Variants in ERV3-1 observed in about 807,000 individuals in gnomAD.
ERV3-1 encodes the protein endogenous retrovirus group 3 member 1 Env polyprotein.
A neutral mutation model predicts 24.6 loss-of-function variants in ERV3-1; 36 were observed. The observed-to-expected ratio is 1.47, with a 90% CI of 1.12 to 1.94. ERV3-1 has a LOEUF of 1.94. Among genes scored for constraint, ERV3-1 ranks in the 30% most tolerant of loss-of-function variants. The pLI is 0.00. For missense variants in ERV3-1, 578 were observed against 330.9 expected (o/e 1.75, Z -5.79); for synonymous variants, 211 against 122.6 (o/e 1.72, Z -4.76).
chr7:64,995,365 TA>T (rs1277156469), intron 1 of ERV3-1, among the ~76,000 whole-genome samples: 6 of 152,216 alleles, frequency 3.9e-5, no homozygotes, highest in African/African-American at 1.4e-4. Flanking sequence ...AGGACCCCTA[TA>T]GCCATTCCCT....
In ERV3-1 at chr7:64,992,876, A is replaced by AAT. The variant is rs1786311288; in HGVS notation, c.149_150dup (p.Tyr51IlefsTer9). ...CCTAGGCAGGTCCCAGCACACTCAT[A>AAT]ATAAGTGTGATACAACAGGGTTTTA... On this transcript the variant is annotated frameshift_variant, in exon 2 of 2. Coordinates refer to ENST00000394323, the MANE Select transcript of ERV3-1 (RefSeq NM_001007253.4). LOFTEE classifies it high-confidence loss of function. 1.3e-6 allele frequency: 1 copy of AAT among 766,058 alleles called. No individual in the cohort carries two copies. The highest frequency in any genetic ancestry group is 1.7e-5 in the Admixed American group (1 of 58,982). The allele number at this position is 766,058 out of a possible 1,614,324, so 47.5% of individuals were successfully genotyped here.
At position 64,991,167 on chromosome 7, in the gene ERV3-1, T is replaced by C. The variant is rs777824933; in HGVS notation, c.*45A>G. On this transcript the variant is annotated 3_prime_UTR_variant, in exon 2 of 2. Transcript: ENST00000394323. Reference sequence around the variant, plus strand: ...GGACTATTTGTACTAAGGTTTTAAATCCTCCAAGGGATGAGAACCAACCTC... The same window carrying C: ...GGACTATTTGTACTAAGGTTTTAAACCCTCCAAGGGATGAGAACCAACCTC... 1.4e-5 allele frequency: 9 copies of C among 665,094 alleles called. No homozygotes were observed. Among genetic ancestry groups the C allele is most frequent in the Non-Finnish European group, 2.2e-5 (8 of 368,966 alleles). 41.2% of individuals were successfully genotyped at this position (665,094 alleles called of 1,614,324 possible).
intron 1 of ERV3-1, among the ~76,000 whole-genome samples, chr7:65,005,538 C>A (rs889446640): frequency 7.9e-5 from 12 of 151,972 alleles, no homozygotes; most frequent in African/African-American, 2.7e-4. Context: ...AATATGGTAC[C>A]TAAAATGTAC....
chr7:65,000,912 C>CATT (rs1786506577), intron 1 of ERV3-1, among the ~76,000 whole-genome samples: 1 of 152,102 alleles, frequency 6.6e-6, no homozygotes, highest in Non-Finnish European at 1.5e-5. Flanking sequence ...AGTTGGAGAC[C>CATT]ATTATCCTTA....
rs1356542926 is a variant in ERV3-1, at chr7:64,992,696, G to A, written c.331C>T (p.Pro111Ser). ...GDLLNQTKVFPSGKDVVSLYF... is the reference protein window; with the variant it reads ...GDLLNQTKVFSSGKDVVSLYF... ...AAGGATACGACATCCTTGCCAGAGG[G>A]AAATACCTTGGTTTGGTTTAGAAGA... The change falls in exon 2 of 2, where the codon CCC (proline) becomes TCC (serine). Residue 111 changes from proline (P) to serine (S), a missense_variant. Pro to Ser is a moderately conservative substitution (Grantham distance 74, BLOSUM62 -1). Coordinates refer to ENST00000394323, the MANE Select transcript of ERV3-1 (RefSeq NM_001007253.4). 10 of 766,282 alleles carry A rather than the reference G, an allele frequency of 1.3e-5. No homozygotes were observed. Among genetic ancestry groups the A allele is most frequent in the Admixed American group, 1.2e-4 (7 of 59,006 alleles). The allele number at this position is 766,282 out of a possible 1,614,324, so 47.5% of individuals were successfully genotyped here. A position where few individuals can be genotyped will look rare whatever the true frequency, so the allele number is the denominator to read the frequency against.
chr7:64,995,939 G>GAGACT (rs1554300388), intron 1 of ERV3-1, among the ~76,000 whole-genome samples: 1 of 152,186 alleles, frequency 6.6e-6, no homozygotes, highest in Non-Finnish European at 1.5e-5. Flanking sequence ...ACCCTTGTGG[G>GAGACT]AGACTAGTCC....
Position 64,992,789 on chromosome 7 carries a change from CAT to C in ERV3-1, c.236_237del (p.Tyr79CysfsTer4). ...GGTGAAGACTTAGGGTCATAACACA[CAT>C]AAGGCTGGCCCCTTCCTGGGTCACA... ...SVCDPGRGQPYVCYDPKSSPG... is the reference protein window; with the variant it reads ...SVCDPGRGQPXVCYDPKSSPG... On this transcript the variant is annotated frameshift_variant, in exon 2 of 2. Transcript: ENST00000394323. LOFTEE classifies it high-confidence loss of function. 1.3e-6 allele frequency: 1 copy of C among 766,452 alleles called. No individual in the cohort carries two copies. Among genetic ancestry groups the C allele is most frequent in the South Asian group, 1.3e-5 (1 of 74,626 alleles). The allele number at this position is 766,452 out of a possible 1,614,324, so 47.5% of individuals were successfully genotyped here.
At chr7:65,005,529 A>T (rs1246401658) in intron 1 of ERV3-1, among the ~76,000 whole-genome samples, 1 of 152,232 alleles carries the variant, frequency 6.6e-6, no homozygotes, top group Non-Finnish European at 1.5e-5. Context: ...ATTAATTAAA[A>T]TATGGTACCT....
chr7:64,995,026 G>A (rs1425178057), intron 1 of ERV3-1, among the ~76,000 whole-genome samples: 1 of 152,262 alleles, frequency 6.6e-6, no homozygotes, highest in African/African-American at 2.4e-5. Context: ...GTCACGGAAG[G>A]TGATTCCCGG....
intron 1 of ERV3-1, among the ~76,000 whole-genome samples, chr7:64,998,114 G>A (rs946859488): frequency 1.3e-5 from 2 of 152,122 alleles, no homozygotes; most frequent in African/African-American, 2.4e-5. Context: ...CTCAGGGGCC[G>A]TCCTTGGTAA....
At position 64,991,862 on chromosome 7, in the gene ERV3-1, G is replaced by C; in HGVS notation, c.1165C>G (p.Pro389Ala). 1.3e-6 allele frequency: 1 copy of C among 766,272 alleles called. No individual in the cohort carries two copies. The highest frequency in any genetic ancestry group is 1.3e-5 in the South Asian group (1 of 74,598). 47.5% of individuals were successfully genotyped at this position (766,272 alleles called of 1,614,324 possible). A position where few individuals can be genotyped will look rare whatever the true frequency, so the allele number is the denominator to read the frequency against. Residue 389 changes from proline to alanine, a missense_variant, in exon 2 of 2, where the codon CCA becomes GCA. Coordinates refer to ENST00000394323, the MANE Select transcript of ERV3-1 (RefSeq NM_001007253.4). ...GATGGGAAACGAGAGAATGGGCTTG[G>C]GTGTGGTGATTCAGAATTATTGCTT... ...GKSNNSESPH[P>A]SPFSRFPSLN...
Position 65,006,678 on chromosome 7 carries a change from C to T in ERV3-1, c.-526G>A. On this transcript the variant is annotated 5_prime_UTR_variant, in exon 1 of 2. Transcript: ENST00000394323. ...AGACTACACCAGAAGCTCCGGCTGC[C>T]GCCAGAGACAAAGGCCCCACCAAAC... The T allele has an allele frequency of 6.8e-7, 1 of 1,475,160 alleles. No individual in the cohort carries two copies. Among genetic ancestry groups the T allele is most frequent in the Non-Finnish European group, 9.4e-7 (1 of 1,061,058 alleles). 91.4% of individuals were successfully genotyped at this position (1,475,160 alleles called of 1,614,324 possible).
At position 64,993,347 on chromosome 7, in the gene ERV3-1, G is replaced by A. The variant is rs1432685648; in HGVS notation, c.-321C>T. On this transcript the variant is annotated 5_prime_UTR_variant, in exon 2 of 2. Transcript: ENST00000394323. ...TTGCATGGTCTAGGTCCTGTTGGCT[G>A]GTCCACTTGTCCTGGGCTGCTGGTT... is the stretch of plus-strand genomic sequence containing the variant. 8.2e-6 allele frequency: 2 copies of A among 244,404 alleles called. No homozygotes were observed. The highest frequency in any genetic ancestry group is 1.6e-5 in the Non-Finnish European group (2 of 126,264). The allele number at this position is 244,404 out of a possible 1,614,324, so 15.1% of individuals were successfully genotyped here.
At chr7:65,000,728 T>A (rs915611916) in intron 1 of ERV3-1, among the ~76,000 whole-genome samples, 22 of 152,166 alleles carry the variant, frequency 1.4e-4, no homozygotes, top group African/African-American at 5.3e-4. Flanking sequence ...GAGGCTGCAG[T>A]GAGCCAAGAT....
At chr7:65,006,432 C>T in intron 1 of ERV3-1, 109 bp downstream of exon 1, 3 of 1,497,394 alleles carry the variant, frequency 2.0e-6, no homozygotes, top group East Asian at 4.5e-5. Context: ...CTCGGGGCCG[C>T]GGATTTTGGA....
chr7:64,992,758 G>A lies in ERV3-1; in HGVS notation c.269C>T (p.Thr90Ile), dbSNP rs6460219. 718,779 of 766,330 alleles carry A rather than the reference G, an allele frequency of 0.94. 337,957 individuals are homozygous for A. The highest frequency in any genetic ancestry group is 0.97 in the South Asian group (72,306 of 74,624). 47.5% of individuals were successfully genotyped at this position (766,330 alleles called of 1,614,324 possible). Residue 90 changes from threonine (T) to isoleucine (I), a missense_variant, in exon 2 of 2, where the codon ACC becomes ATC. Physicochemically the swap from Thr to Ile is moderately conservative, Grantham distance 89 (BLOSUM62 -1). Transcript: ENST00000394323. ...VCYDPKSSPG[T>I]WFEIHVGSKE... Reference sequence around the variant, plus strand: ...TGACCCGACATGAATTTCAAACCAGGTCCCAGGTGAAGACTTAGGGTCATA... The same window carrying A: ...TGACCCGACATGAATTTCAAACCAGATCCCAGGTGAAGACTTAGGGTCATA...
rs1324587390 is a variant in ERV3-1, at chr7:64,992,155, G to A, written c.872C>T (p.Ser291Leu). ...ENIASSLHVA[S>L]CYVCGGMNMG... ...GTTCATTCCCCCACAGACATAACAT[G>A]AAGCAACGTGCAGGCTGCTGGCTAT... The change falls in exon 2 of 2, where the codon TCA (serine) becomes TTA (leucine). Residue 291 changes from serine to leucine, a missense_variant. Coordinates refer to ENST00000394323, the MANE Select transcript of ERV3-1 (RefSeq NM_001007253.4). The A allele has an allele frequency of 1.3e-6, 1 of 766,280 alleles. No homozygotes were observed. Among genetic ancestry groups the A allele is most frequent in the African/African-American group, 1.7e-5 (1 of 59,106 alleles). 47.5% of individuals were successfully genotyped at this position (766,280 alleles called of 1,614,324 possible).
At position 64,994,266 on chromosome 7, in the gene ERV3-1, GT is replaced by G. The variant is rs1786353059; in HGVS notation, c.-388-853del. ...GTGAGTCGCGGCACATAGAAATGGC[GT>G]CCTAGTAGCGTTTCTAGTGCTGTTT... On this transcript the variant is annotated intron_variant, in intron 1 of 1. Transcript: ENST00000394323. Among the ~76,000 whole-genome samples the G allele has an allele frequency of 2.0e-5, 3 of 152,280 alleles. No homozygotes were observed. In the South Asian group the frequency reaches 6.2e-4, roughly 32 times the overall value.
At chr7:65,000,655 T>G (rs191284682) in intron 1 of ERV3-1, among the ~76,000 whole-genome samples, 1 of 152,114 alleles carries the variant, frequency 6.6e-6, no homozygotes, top group South Asian at 2.1e-4. Flanking sequence ...CATAATGGTA[T>G]GCACCTGCAG....
Sources: allele counts gnomAD v4.1 joint callset (sites outside exome capture counted in the v4.1 genomes callset), GRCh38; gene constraint gnomAD v4.1.1; transcripts MANE v1.5; gene names NCBI Gene and HGNC (gene_info 2026-07-23, HGNC 2026-07-21).